The following GNG4 variants were observed in gnomAD, a reference collection of about 807,000 sequenced individuals.
The protein encoded by GNG4 is G protein subunit gamma 4.
GNG4 carries 4 observed loss-of-function variants against 5.8 expected under a neutral mutation model. The ratio of observed to expected loss-of-function variants is 0.69; its 90% CI spans 0.34 to 1.57. The LOEUF (loss-of-function observed/expected upper bound fraction) is 1.57. GNG4 is among the 40% of genes most tolerant of loss of function. The probability of loss-of-function intolerance (pLI) is 0.06; values close to 1 mark genes in which losing one functional copy is unlikely to be tolerated. For synonymous variants in GNG4, 29 were observed against 32.9 expected (o/e 0.88, Z 0.41); for missense variants, 96 against 95.1 (o/e 1.01, Z -0.04).
chr1:235,572,968 A>C (rs1043474334), intron 3 of GNG4, among the ~76,000 whole-genome samples: 2 of 152,186 alleles, frequency 1.3e-5, no homozygotes, highest in African/African-American at 4.8e-5. Context: ...TGAAAATTTT[A>C]TCTACCAGTA....
intron 2 of GNG4, among the ~76,000 whole-genome samples, chr1:235,586,912 C>A (rs532166463): frequency 6.6e-6 from 1 of 152,282 alleles, no homozygotes; most frequent in East Asian, 1.9e-4. Flanking sequence ...TACTACAGAC[C>A]CTACAGTGAC....
chr1:235,619,037 C>A (rs956479278), intron 1 of GNG4, among the ~76,000 whole-genome samples: 10 of 148,658 alleles, frequency 6.7e-5, no homozygotes, highest in Non-Finnish European at 1.5e-4. Flanking sequence ...GGTGAGTTCA[C>A]GCCTGTAATC....
intron 1 of GNG4, among the ~76,000 whole-genome samples, chr1:235,602,374 G>T (rs1688274623): frequency 6.6e-6 from 1 of 152,322 alleles, no homozygotes; most frequent in South Asian, 2.1e-4. Context: ...AGTCCTGGGG[G>T]ACGAGAGAGA....
intron 2 of GNG4, among the ~76,000 whole-genome samples, chr1:235,593,929 A>C (rs893214521): frequency 6.6e-6 from 1 of 152,214 alleles, no homozygotes; most frequent in East Asian, 1.9e-4. Flanking sequence ...ATGGGGACCC[A>C]AGCAGATTAC....
chr1:235,627,299 G>A (rs1488188244), intron 1 of GNG4, among the ~76,000 whole-genome samples: 3 of 151,676 alleles, frequency 2.0e-5, no homozygotes, highest in African/African-American at 7.3e-5. Flanking sequence ...CTCAGCTCAC[G>A]ACAACCTCCG....
chr1:235,587,720 G>A (rs1224609778), intron 2 of GNG4, among the ~76,000 whole-genome samples: 8 of 145,988 alleles, frequency 5.5e-5, no homozygotes, highest in African/African-American at 2.0e-4. Flanking sequence ...GGGTGTGTGT[G>A]GGTGTGGGTC....
intron 3 of GNG4, among the ~76,000 whole-genome samples, chr1:235,565,352 T>C (rs768620418): frequency 6.6e-6 from 1 of 152,024 alleles, no homozygotes; most frequent in Non-Finnish European, 1.5e-5. Flanking sequence ...AATACAAAAA[T>C]TAGCCGGGCA....
At chr1:235,588,228 G>C (rs77794141) in intron 2 of GNG4, among the ~76,000 whole-genome samples, 107,209 of 151,334 alleles carry the variant, frequency 0.71, 39,664 homozygotes, top group African/African-American at 0.92. Flanking sequence ...CTTGTTGTGC[G>C]CTGGAGATAA....
intron 1 of GNG4, among the ~76,000 whole-genome samples, chr1:235,622,105 G>A (rs966652900): frequency 7.9e-5 from 12 of 152,264 alleles, no homozygotes; most frequent in Non-Finnish European, 1.3e-4. Flanking sequence ...AAAATGAAAC[G>A]AAATAAAATC....
chr1:235,557,086 C>T (rs1057076135), intron 3 of GNG4, among the ~76,000 whole-genome samples: 3 of 152,252 alleles, frequency 2.0e-5, no homozygotes, highest in South Asian at 2.1e-4. Flanking sequence ...TGCTGTGCGG[C>T]CCGGTTCCTA....
chr1:235,643,886 C>G (rs559191875), intron 1 of GNG4, among the ~76,000 whole-genome samples: 1 of 152,354 alleles, frequency 6.6e-6, no homozygotes, highest in South Asian at 2.1e-4. Flanking sequence ...AGGAGAGGGT[C>G]TAACGAGAAA....
intron 1 of GNG4, among the ~76,000 whole-genome samples, chr1:235,607,816 C>T (rs141570003): frequency 0.035 from 5,386 of 152,254 alleles, 208 homozygotes; most frequent in Non-Finnish European, 0.047. Flanking sequence ...TGTCTCCTGC[C>T]CAGCACAGGG....
intron 1 of GNG4, among the ~76,000 whole-genome samples, chr1:235,647,306 A>G (rs1356937307): frequency 6.6e-6 from 1 of 152,182 alleles, no homozygotes; most frequent in Non-Finnish European, 1.5e-5. Flanking sequence ...AGGTGTTTCA[A>G]GAACAAAAAT....
In GNG4 at chr1:235,556,057, G is replaced by A. The variant is rs573389430; in HGVS notation, c.100-3820C>T. Reference sequence around the variant, plus strand: ...AATTTTTAAATTTTTGGTAGAGATGGGGTTTCTCCATGTTGGCCGGGCTGG... The same window carrying A: ...AATTTTTAAATTTTTGGTAGAGATGAGGTTTCTCCATGTTGGCCGGGCTGG... On this transcript the variant is annotated intron_variant, in intron 3 of 3. Coordinates refer to ENST00000391854, the MANE Select transcript of GNG4 (RefSeq NM_001098722.2). 4.6e-5 allele frequency among the ~76,000 whole-genome samples: 7 copies of A among 151,844 alleles called. No individual in the cohort carries two copies. The South Asian group carries it at 1.5e-3, about 32-fold the overall frequency.
At chr1:235,588,781 C>G (rs918116951) in intron 2 of GNG4, 1 of 152,314 alleles carries the variant, frequency 6.6e-6, no homozygotes, top group Non-Finnish European at 1.5e-5. Context: ...CTCAGCCCCT[C>G]TGTCTACACA....
chr1:235,599,737 A>G (rs1264580588), intron 1 of GNG4, among the ~76,000 whole-genome samples: 1 of 152,218 alleles, frequency 6.6e-6, no homozygotes, highest in East Asian at 1.9e-4. Flanking sequence ...GGCTGAAGAC[A>G]CGTGGGTCAG....
intron 3 of GNG4, among the ~76,000 whole-genome samples, chr1:235,579,419 A>C (rs200660939): frequency 2.7e-5 from 4 of 149,540 alleles, no homozygotes; most frequent in African/African-American, 7.4e-5. Context: ...TAAAAAAAAA[A>C]AAGTAAATAC....
intron 1 of GNG4, among the ~76,000 whole-genome samples, chr1:235,597,399 AC>A (rs34099056): frequency 0.77 from 91,818 of 119,772 alleles, 33,750 homozygotes; most frequent in African/African-American, 0.82. Flanking sequence ...TGTCCCCCCT[AC>A]CCCCCCCAAA....
chr1:235,592,989 C>T (rs1688015422), intron 2 of GNG4, among the ~76,000 whole-genome samples: 1 of 150,820 alleles, frequency 6.6e-6, no homozygotes, highest in African/African-American at 2.4e-5. Flanking sequence ...GCTCTTTTAC[C>T]CAGGCTTGGA....
Sources: allele counts gnomAD v4.1 joint callset (sites outside exome capture counted in the v4.1 genomes callset), GRCh38; gene constraint gnomAD v4.1.1; transcripts MANE v1.5; gene names NCBI Gene and HGNC (gene_info 2026-07-23, HGNC 2026-07-21).